The following TYRO3 variants were observed in gnomAD, a reference collection of about 807,000 sequenced individuals.
TYRO3 encodes the protein tyrosine-protein kinase receptor TYRO3.
TYRO3 carries 38 observed loss-of-function variants against 95.2 expected under a neutral mutation model. The observed-to-expected ratio is 0.40, with a 90% CI of 0.31 to 0.52. The LOEUF is 0.52. Ranked by LOEUF, TYRO3 falls within the 20% of genes least tolerant of loss-of-function variation. The pLI is 0.56. For synonymous variants in TYRO3, 367 were observed against 432.9 expected (o/e 0.85, Z 1.89); for missense variants, 812 against 1,116.4 (o/e 0.73, Z 3.89).
In TYRO3 at chr15:41,562,699, A is replaced by G. The variant is rs1321412342; in HGVS notation, c.561A>G (p.Pro187=). Residue 187 remains proline, a synonymous_variant, in exon 4 of 19, where the codon CCA becomes CCG. Coordinates refer to ENST00000263798, the MANE Select transcript of TYRO3 (RefSeq NM_006293.4). The part of the protein sequence containing the change: ...TTKIGGPAPS[P]SVLNVTGVTQ... ...AGATCGGGGGACCCGCTCCCTCTCC[A>G]TCTGTTTTAAATGTAACAGGTGAGC... 2 of 1,613,260 alleles carry G rather than the reference A, an allele frequency of 1.2e-6. No homozygotes were observed. The highest frequency in any genetic ancestry group is 1.7e-4 in the Middle Eastern group (1 of 6,046).
chr15:41,562,409 T>A (rs1438038958), intron 3 of TYRO3, 139 bp from the exon 4 acceptor site: 3 of 711,822 alleles, frequency 4.2e-6, no homozygotes, highest in Non-Finnish European at 4.4e-6. Context: ...GCTAGATGCC[T>A]GTTCTGCTGT....
In TYRO3 at chr15:41,570,115, C is replaced by T; in HGVS notation, c.1341C>T (p.Ala447=). The change falls in exon 10 of 19, where the codon GCC becomes GCT. Residue 447 remains alanine (A), a synonymous_variant. Coordinates refer to ENST00000263798, the MANE Select transcript of TYRO3 (RefSeq NM_006293.4). ...CCCTGGTGACGGCTGCTGCCCTGGC[C>T]CTCATCCTGCTTCGAAAGAGACGGA... is the stretch of plus-strand genomic sequence containing the variant. ...LTALVTAAAL[A]LILLRKRRKE... 2 of 1,614,210 alleles carry T rather than the reference C, an allele frequency of 1.2e-6. No homozygotes were observed. The highest frequency in any genetic ancestry group is 1.7e-6 in the Non-Finnish European group (2 of 1,180,032).
rs2055917503 is a variant in TYRO3, at chr15:41,581,040, G to T, written c.*2764G>T. The T allele has an allele frequency of 6.5e-6, 1 of 152,880 alleles. No homozygotes were observed. The highest frequency in any genetic ancestry group is 1.5e-5 in the Non-Finnish European group (1 of 68,012). 9.5% of individuals were successfully genotyped at this position (152,880 alleles called of 1,614,324 possible). On this transcript the variant is annotated 3_prime_UTR_variant, in exon 19 of 19. Transcript: ENST00000263798. ...CCATCTCAACTAAAAATTCAAAAAA[G>T]TTTAGCCAGGCTTGGTGGCGCAGGT...
Position 41,580,485 on chromosome 15 carries a change from G to C in TYRO3, c.*2209G>C, listed in dbSNP as rs915676205. The C allele has an allele frequency of 2.0e-5, 3 of 152,042 alleles. No homozygotes were observed. Among genetic ancestry groups the C allele is most frequent in the Non-Finnish European group, 4.4e-5 (3 of 68,020 alleles). 9.4% of individuals were successfully genotyped at this position (152,042 alleles called of 1,614,324 possible). ...GATCCCGGCAGCCTAGGTGACAGGC[G>C]AGACTCCATCTCAAAAATAAAATAA... On this transcript the variant is annotated 3_prime_UTR_variant, in exon 19 of 19. Coordinates refer to ENST00000263798, the MANE Select transcript of TYRO3 (RefSeq NM_006293.4).
chr15:41,571,062 C>G lies in TYRO3; in HGVS notation c.1604C>G (p.Ala535Gly), dbSNP rs2055789418. The change falls in exon 13 of 19, where the codon GCC becomes GGC. Residue 535 changes from alanine (A) to glycine (G), a missense_variant. By Grantham distance (60) the Ala-to-Gly change is moderately conservative. Coordinates refer to ENST00000263798, the MANE Select transcript of TYRO3 (RefSeq NM_006293.4). ...GKGEFGSVRE[A>G]QLKQEDGSFV... ...GGAGAGTTTGGTTCAGTGCGGGAGG[C>G]CCAGCTGAAGCAAGAGGATGGCTCC... 12 of 1,614,064 alleles carry G rather than the reference C, an allele frequency of 7.4e-6. No homozygotes were observed. Among genetic ancestry groups the G allele is most frequent in the Non-Finnish European group, 1.0e-5 (12 of 1,179,984 alleles).
chr15:41,570,171 A>T lies in TYRO3; in HGVS notation c.1382+15A>T, dbSNP rs2055776658. 2.0e-6 allele frequency: 2 copies of T among 986,754 alleles called. No homozygotes were observed. Among genetic ancestry groups the T allele is most frequent in the East Asian group, 2.3e-5 (1 of 43,370 alleles). 61.1% of individuals were successfully genotyped at this position (986,754 alleles called of 1,614,324 possible). A position where few individuals can be genotyped will look rare whatever the true frequency, so the allele number is the denominator to read the frequency against. ...ACGCGGTTTGGGTAAGGGGATGGGG[A>T]TGTGGAGGGAGAGGCAGGTAATGAT... On this transcript the variant is annotated intron_variant, in intron 10 of 18. Coordinates refer to ENST00000263798, the MANE Select transcript of TYRO3 (RefSeq NM_006293.4).
At chr15:41,568,007 AC>A (rs2055745636) in intron 7 of TYRO3, among the ~76,000 whole-genome samples, 2 of 152,130 alleles carry the variant, frequency 1.3e-5, no homozygotes. Flanking sequence ...GAAGAGCAAC[AC>A]TGCCGAGCTG....
Position 41,577,571 on chromosome 15 carries a change from C to T in TYRO3, c.2283-315C>T, listed in dbSNP as rs941340290. On this transcript the variant is annotated intron_variant, in intron 18 of 18. Coordinates refer to ENST00000263798, the MANE Select transcript of TYRO3 (RefSeq NM_006293.4). ...TCTCGAACTCCTGACCTCAGGTGAT[C>T]TGCCTGCCTTGGCCTCCCAAGGTGA... 4.7e-5 allele frequency: 9 copies of T among 189,612 alleles called. No homozygotes were observed. In the Admixed American group the frequency reaches 4.9e-4, roughly 10 times the overall value. 11.7% of individuals were successfully genotyped at this position (189,612 alleles called of 1,614,324 possible).
intron 1 of TYRO3, among the ~76,000 whole-genome samples, chr15:41,560,866 C>G (rs1222309361): frequency 6.6e-6 from 1 of 152,174 alleles, no homozygotes; most frequent in Admixed American, 6.5e-5. Flanking sequence ...GCCTGCCTTC[C>G]TTTTGCTGTC....
In TYRO3 at chr15:41,572,491, T is replaced by C. The variant is rs2055809350; in HGVS notation, c.1802T>C (p.Val601Ala). Reference protein sequence around the residue: ...RAKGRLPIPMVILPFMKHGDL... With the variant: ...RAKGRLPIPMAILPFMKHGDL... ...AAAGGCCGTCTCCCCATCCCCATGGTCATCTTGCCCTTCATGAAGCATGGG... is the reference window on the plus strand; with the variant it reads ...AAAGGCCGTCTCCCCATCCCCATGGCCATCTTGCCCTTCATGAAGCATGGG... The change falls in exon 15 of 19, where the codon GTC (valine) becomes GCC (alanine). Residue 601 changes from valine (V) to alanine (A), a missense_variant. Physicochemically the swap from Val to Ala is moderately conservative, Grantham distance 64 (BLOSUM62 0). Transcript: ENST00000263798. 1 of 1,614,098 alleles carries C rather than the reference T, an allele frequency of 6.2e-7. No individual in the cohort carries two copies. The highest frequency in any genetic ancestry group is 1.3e-5 in the African/African-American group (1 of 74,922).
Position 41,574,593 on chromosome 15 carries a change from C to G in TYRO3, c.2282+778C>G. 6.6e-6 allele frequency: 3 copies of G among 452,480 alleles called. No homozygotes were observed. In the Middle Eastern group the frequency reaches 9.9e-4, roughly 149 times the overall value. The allele number at this position is 452,480 out of a possible 1,614,324, so 28.0% of individuals were successfully genotyped here. On this transcript the variant is annotated intron_variant, in intron 18 of 18. Coordinates refer to ENST00000263798, the MANE Select transcript of TYRO3 (RefSeq NM_006293.4). Reference sequence around the variant, plus strand: ...TAAGTTGGAATTTGAACCTAGATCCCTGTAGTTTTAGAATATATACTCTTA... The same window carrying G: ...TAAGTTGGAATTTGAACCTAGATCCGTGTAGTTTTAGAATATATACTCTTA...
intron 4 of TYRO3, among the ~76,000 whole-genome samples, chr15:41,563,029 C>T (rs887128102): frequency 6.6e-6 from 1 of 152,072 alleles, no homozygotes; most frequent in Non-Finnish European, 1.5e-5. Flanking sequence ...CACCCATCCC[C>T]CACCCCTCCC....
intron 18 of TYRO3, among the ~76,000 whole-genome samples, chr15:41,576,936 C>G (rs1360030445): frequency 6.6e-6 from 1 of 151,792 alleles, no homozygotes; most frequent in East Asian, 1.9e-4. Flanking sequence ...GTAGCTGGGA[C>G]TACAGGTGCA....
chr15:41,569,937 C>T (rs2055772921), intron 9 of TYRO3, 90 bp from the exon 10 acceptor site: 2 of 1,524,130 alleles, frequency 1.3e-6, no homozygotes, highest in Admixed American at 3.9e-5. Context: ...AGAGGAGCCC[C>T]TTGAACCAGC....
At chr15:41,567,562 G>C in intron 7 of TYRO3, 25 bp downstream of exon 7, 1 of 1,437,140 alleles carries the variant, frequency 7.0e-7, no homozygotes. Context: ...GAGCAGAGCG[G>C]GTGGGCAGGG....
intron 7 of TYRO3, among the ~76,000 whole-genome samples, chr15:41,567,781 C>G (rs943841066): frequency 7.9e-5 from 12 of 152,140 alleles, no homozygotes; most frequent in African/African-American, 2.7e-4. Flanking sequence ...GAAACCCCCC[C>G]TAAAAAGGTC....
intron 16 of TYRO3, 42 bp downstream of exon 16, chr15:41,573,153 G>T (rs1446848229): frequency 7.6e-7 from 1 of 1,310,696 alleles, no homozygotes. Context: ...ACAGCAGCAG[G>T]TGCCAAGAGG....
Position 41,561,116 on chromosome 15 carries a change from C to G in TYRO3, c.125-11C>G. On this transcript the variant is annotated splice_polypyrimidine_tract_variant and intron_variant, in intron 1 of 18. Transcript: ENST00000263798. ...TCTCAAGGCTGACACATGTTCCTTC[C>G]CACCCCTCAGGTCTGAAGCTCATGG... 1 of 1,613,930 alleles carries G rather than the reference C, an allele frequency of 6.2e-7. No individual in the cohort carries two copies. The highest frequency in any genetic ancestry group is 1.1e-5 in the South Asian group (1 of 91,006).
rs1057245762 is a variant in TYRO3 at position 41,578,812 on chromosome 15, T to G, written c.*536T>G. On this transcript the variant is annotated 3_prime_UTR_variant, in exon 19 of 19. Coordinates refer to ENST00000263798, the MANE Select transcript of TYRO3 (RefSeq NM_006293.4). ...GGGGTTGGTATCTCAGGTCTGAATC[T>G]TCACCATCTTTCTGATTCCGCACCC... The G allele has an allele frequency of 1.3e-5, 2 of 159,568 alleles. No individual in the cohort carries two copies. The highest frequency in any genetic ancestry group is 4.8e-5 in the African/African-American group (2 of 41,514). The allele number at this position is 159,568 out of a possible 1,614,324, so 9.9% of individuals were successfully genotyped here.
Sources: gnomAD v4.1 joint callset for allele counts (sites outside exome capture counted in the v4.1 genomes callset) on GRCh38, gnomAD v4.1.1 for gene constraint, MANE v1.5 for transcripts, NCBI Gene and HGNC (gene_info 2026-07-23, HGNC 2026-07-21) for gene names.